The following ABCB4 variants were observed in gnomAD, a reference collection of about 807,000 sequenced individuals.
ABCB4 encodes the protein phosphatidylcholine translocator ABCB4.
A neutral mutation model predicts 145.7 loss-of-function variants in ABCB4; 76 were observed. That is an observed-to-expected ratio of 0.52 (90% CI 0.43 to 0.63). The LOEUF (loss-of-function observed/expected upper bound fraction) is 0.63. ABCB4 is among the 30% of genes least tolerant of loss of function. The probability of loss-of-function intolerance (pLI) is 0.00; values close to 1 mark genes in which losing one functional copy is unlikely to be tolerated. For synonymous variants in ABCB4, 517 were observed against 566.8 expected, an observed-to-expected ratio of 0.91 and a Z score of 1.25; for missense variants, 1,234 against 1,553.1, an observed-to-expected ratio of 0.79 and a Z score of 3.45.
At position 87,451,811 on chromosome 7, in the gene ABCB4, C is replaced by T; in HGVS notation, c.537-17G>A. 1 of 1,613,736 alleles carries T rather than the reference C, an allele frequency of 6.2e-7. No individual in the cohort carries two copies. The highest frequency in any genetic ancestry group is 8.5e-7 in the Non-Finnish European group (1 of 1,179,656). ...GAGATGTCACTAAAAAAGATCACAC[C>T]TAAGTGGTTACAGGCAGGAGGTTTC... On this transcript the variant is annotated splice_polypyrimidine_tract_variant and intron_variant, in intron 6 of 27. Transcript: ENST00000649586.
downstream of ABCB4, among the ~76,000 whole-genome samples, chr7:87,397,889 A>G (rs967217286): frequency 2.6e-5 from 4 of 152,200 alleles, no homozygotes; most frequent in Admixed American, 6.5e-5. Flanking sequence ...ATATTTCGCT[A>G]TAGAAACTTC....
the ABCB4 span, among the ~76,000 whole-genome samples, chr7:87,379,175 G>A: frequency 2.6e-5 from 4 of 152,088 alleles, no homozygotes; most frequent in Non-Finnish European, 4.4e-5. Flanking sequence ...CCTGTCTGCT[G>A]CAGTTGGTTA....
At chr7:87,437,975 AC>A (rs1211956408) in intron 14 of ABCB4, among the ~76,000 whole-genome samples, 1 of 152,254 alleles carries the variant, frequency 6.6e-6, no homozygotes, top group Non-Finnish European at 1.5e-5. Flanking sequence ...CCAAATACGT[AC>A]TAAAACTTGC....
At position 87,434,052 on chromosome 7, in the gene ABCB4, C is replaced by G. The variant is rs1266624241; in HGVS notation, c.1732-2487G>C. 2.6e-5 allele frequency among the ~76,000 whole-genome samples: 4 copies of G among 151,802 alleles called. No individual in the cohort carries two copies. In the East Asian group the frequency reaches 7.7e-4, roughly 29 times the overall value. ...CAAGCGATTACCCTGCCTCAGCTTC[C>G]CCAGTAGCTGGGACTACAAGTGCCC... On this transcript the variant is annotated intron_variant, in intron 14 of 27. Transcript: ENST00000649586.
In ABCB4 at chr7:87,431,476, T is replaced by G. The variant is rs546820262; in HGVS notation, c.1821A>C (p.Val607=). Residue 607 remains valine (V), a synonymous_variant, in exon 15 of 28, where the codon GTA becomes GTC. Transcript: ENST00000649586. The part of the protein sequence containing the change: ...ADVIAGFEDG[V]IVEQGSHSEL... ...CGCTGTGGCTTCCTTGCTCCACAAT[T>G]ACTCCATCCTCAAACCCAGCGATGA... The G allele has an allele frequency of 1.3e-4, 209 of 1,614,198 alleles. 4 individuals are homozygous for G. In the South Asian group the frequency reaches 1.8e-3, roughly 14 times the overall value.
intron 17 of ABCB4, 107 bp downstream of exon 17, chr7:87,423,794 GTTTAA>G: frequency 7.1e-7 from 1 of 1,404,960 alleles, no homozygotes; most frequent in South Asian, 1.2e-5. Context: ...CTTTGGCTTA[GTTTAA>G]TTTAAGGCTG....
Position 87,468,782 on chromosome 7 carries a change from C to T in ABCB4, c.135+3839G>A, listed in dbSNP as rs962891562. 2.0e-5 allele frequency among the ~76,000 whole-genome samples: 3 copies of T among 151,544 alleles called. No homozygotes were observed. The East Asian group carries it at 5.9e-4, about 30-fold the overall frequency. Reference sequence around the variant, plus strand: ...CCTGTCTCTACTAAAAATACAAAAACTAGCCAGGCGTGGTGGTGGGGACCT... The same window carrying T: ...CCTGTCTCTACTAAAAATACAAAAATTAGCCAGGCGTGGTGGTGGGGACCT... On this transcript the variant is annotated intron_variant, in intron 3 of 27. Transcript: ENST00000649586.
At chr7:87,376,633 AT>A in the ABCB4 span, among the ~76,000 whole-genome samples, 378 of 142,962 alleles carry the variant, frequency 2.6e-3, no homozygotes, top group East Asian at 7.4e-3. Context: ...AAGGAGAGAG[AT>A]TTTTTTTTTT....
At chr7:87,458,022 G>A (rs1562994082) in intron 4 of ABCB4, among the ~76,000 whole-genome samples, 1 of 152,028 alleles carries the variant, frequency 6.6e-6, no homozygotes, top group Non-Finnish European at 1.5e-5. Flanking sequence ...TTAACACATA[G>A]AACTATTCAT....
At chr7:87,380,493 C>G in the ABCB4 span, among the ~76,000 whole-genome samples, 1 of 103,244 alleles carries the variant, frequency 9.7e-6, no homozygotes, top group Non-Finnish European at 2.3e-5. Flanking sequence ...AATTAGAAAG[C>G]AAAGTAACTT....
At chr7:87,457,136 C>A (rs1431621526) in intron 4 of ABCB4, among the ~76,000 whole-genome samples, 1 of 152,118 alleles carries the variant, frequency 6.6e-6, no homozygotes, top group Middle Eastern at 3.2e-3. Flanking sequence ...AAAGTGCCCC[C>A]CGCCAGGCCC....
At chr7:87,405,358 G>A (rs1808107121) in intron 26 of ABCB4, among the ~76,000 whole-genome samples, 1 of 151,664 alleles carries the variant, frequency 6.6e-6, no homozygotes, top group Non-Finnish European at 1.5e-5. Context: ...AGGGTGGGAG[G>A]AAGGGATATA....
chr7:87,417,364 A>G lies in ABCB4; in HGVS notation c.2630T>C (p.Leu877Ser). The G allele has an allele frequency of 6.2e-7, 1 of 1,614,142 alleles. No individual in the cohort carries two copies. The change falls in exon 21 of 28, where the codon TTG becomes TCG. Residue 877 changes from leucine to serine, a missense_variant. By Grantham distance (145) the Leu-to-Ser change is moderately radical. Around this residue, in one of 7 missense-constraint regions of ABCB4, gnomAD observed 301 missense variants for 389.0 expected, o/e 0.77. Coordinates refer to ENST00000649586, the MANE Select transcript of ABCB4 (RefSeq NM_000443.4). Reference protein sequence around the residue: ...IAVSGIVEMKLLAGNAKRDKK... With the variant: ...IAVSGIVEMKSLAGNAKRDKK... ...ATCTCTTTTGGCATTTCCAGCCAACAATTTCATTTCAACAATTCCTGACAC... is the reference window on the plus strand; with the variant it reads ...ATCTCTTTTGGCATTTCCAGCCAACGATTTCATTTCAACAATTCCTGACAC...
chr7:87,389,093 G>T, the ABCB4 span, among the ~76,000 whole-genome samples: 1 of 152,214 alleles, frequency 6.6e-6, no homozygotes, highest in African/African-American at 2.4e-5. Flanking sequence ...ATGCCAGTTA[G>T]AATGGCGATC....
At chr7:87,422,986 G>C (rs989959004) in intron 17 of ABCB4, among the ~76,000 whole-genome samples, 3 of 152,156 alleles carry the variant, frequency 2.0e-5, no homozygotes, top group Non-Finnish European at 4.4e-5. Flanking sequence ...ACATTGCCTT[G>C]AATTGCAAGA....
the ABCB4 span, among the ~76,000 whole-genome samples, chr7:87,386,178 A>G: frequency 1.3e-5 from 2 of 152,202 alleles, no homozygotes; most frequent in African/African-American, 2.4e-5. Flanking sequence ...TGCTGTCTTC[A>G]TAGAATGAGA....
At chr7:87,377,202 C>T in the ABCB4 span, 1 of 508,110 alleles carries the variant, frequency 2.0e-6, no homozygotes, top group Non-Finnish European at 3.5e-6. Flanking sequence ...TATCACATAT[C>T]AGTGTTGCTG....
At chr7:87,377,960 T>C in the ABCB4 span, among the ~76,000 whole-genome samples, 1 of 152,152 alleles carries the variant, frequency 6.6e-6, no homozygotes, top group African/African-American at 2.4e-5. Flanking sequence ...TTGCTTCTCC[T>C]CTGTTCCCCT....
the ABCB4 span, chr7:87,375,358 C>T: frequency 6.0e-6 from 2 of 335,696 alleles, no homozygotes; most frequent in Non-Finnish European, 5.5e-6. Flanking sequence ...GAAGTGCATG[C>T]ACATTTCCAA....
Sources: allele counts gnomAD v4.1 joint callset (sites outside exome capture counted in the v4.1 genomes callset), GRCh38; gene constraint gnomAD v4.1.1; regional missense constraint gnomAD v4.1.1; transcripts MANE v1.5; gene names NCBI Gene and HGNC (gene_info 2026-07-23, HGNC 2026-07-21).